PDXDC1: variants seen among roughly 807,000 people sequenced by gnomAD.
The protein encoded by PDXDC1 is pyridoxal-dependent decarboxylase domain-containing protein 1.
A neutral mutation model predicts 100.1 loss-of-function variants in PDXDC1; 42 were observed. That is an observed-to-expected ratio of 0.42 (90% CI 0.33 to 0.54). PDXDC1 has a LOEUF of 0.54. Among genes scored for constraint, PDXDC1 ranks in the 20% least tolerant of loss-of-function variants. The pLI is 0.10. For missense variants in PDXDC1, 636 were observed against 979.2 expected, an observed-to-expected ratio of 0.65 and a Z score of 4.68; for synonymous variants, 260 against 371.7, an observed-to-expected ratio of 0.70 and a Z score of 3.46.
intron 16 of PDXDC1, among the ~76,000 whole-genome samples, chr16:15,054,170 CCTT>C (rs759485688): frequency 3.3e-5 from 5 of 152,310 alleles, no homozygotes; most frequent in Admixed American, 1.3e-4. Context: ...ATGCCCTCAC[CCTT>C]CTTCTCCTTT....
At chr16:14,976,817 G>A (rs1345800254) in intron 1 of PDXDC1, 1 of 152,560 alleles carries the variant, frequency 6.6e-6, no homozygotes, top group African/African-American at 2.4e-5. Flanking sequence ...CAGTGTTGAG[G>A]CTGAGAAATC....
intron 3 of PDXDC1, among the ~76,000 whole-genome samples, chr16:15,001,352 GGTGGCGC>G (rs1973106717): frequency 1.3e-5 from 2 of 152,280 alleles, no homozygotes; most frequent in Non-Finnish European, 2.9e-5. Context: ...AGCCGAGCGT[GGTGGCGC>G]AAGCTTGTAA....
At chr16:14,983,062 G>A (rs1968364763) in intron 1 of PDXDC1, among the ~76,000 whole-genome samples, 1 of 152,174 alleles carries the variant, frequency 6.6e-6, no homozygotes, top group African/African-American at 2.4e-5. Flanking sequence ...TAACTCCAAG[G>A]TCTTCTAATA....
At chr16:15,140,673 G>A (rs981887970), downstream of PDXDC1, among the ~76,000 whole-genome samples, 2 of 152,096 alleles carry the variant, frequency 1.3e-5, no homozygotes, top group South Asian at 4.2e-4. Flanking sequence ...TTACAAACCA[G>A]GTCCTGGAGC....
intron 16 of PDXDC1, among the ~76,000 whole-genome samples, chr16:15,093,212 C>G (rs981373156): frequency 1.3e-5 from 2 of 152,162 alleles, no homozygotes; most frequent in African/African-American, 4.8e-5. Flanking sequence ...GCACGTTGGC[C>G]AGGCTGGTCT....
intron 1 of PDXDC1, among the ~76,000 whole-genome samples, chr16:14,977,597 C>T (rs1054488742): frequency 1.3e-5 from 2 of 152,282 alleles, no homozygotes; most frequent in African/African-American, 4.8e-5. Context: ...ATTTATATTC[C>T]CTGAAGTAAT....
intron 16 of PDXDC1, among the ~76,000 whole-genome samples, chr16:15,080,333 G>A (rs1482680612): frequency 6.6e-6 from 1 of 152,152 alleles, no homozygotes; most frequent in Non-Finnish European, 1.5e-5. Flanking sequence ...TTAAGTAGCT[G>A]TATTGATAAA....
At chr16:15,111,051 C>A (rs1393888037) in intron 16 of PDXDC1, among the ~76,000 whole-genome samples, 1 of 149,178 alleles carries the variant, frequency 6.7e-6, no homozygotes, top group Admixed American at 6.7e-5. Context: ...CCGTTTGAAG[C>A]TGGGAGGCGG....
the PDXDC1 span, among the ~76,000 whole-genome samples, chr16:15,146,212 C>T: frequency 1.3e-5 from 2 of 152,118 alleles, no homozygotes; most frequent in Non-Finnish European, 2.9e-5. Context: ...CACAGAGATG[C>T]CCTGGCCTCA....
chr16:15,087,273 A>C (rs1194791443), intron 16 of PDXDC1, among the ~76,000 whole-genome samples: 2 of 152,222 alleles, frequency 1.3e-5, no homozygotes, highest in Non-Finnish European at 2.9e-5. Context: ...TATGCCAGGC[A>C]TGGTGCCTGA....
chr16:15,112,087 A>T (rs1364104218), intron 16 of PDXDC1, among the ~76,000 whole-genome samples: 1 of 148,012 alleles, frequency 6.8e-6, no homozygotes, highest in East Asian at 1.9e-4. Context: ...CTGAATTCCC[A>T]CCAAATTTCC....
chr16:15,042,288 C>T (rs1203170761), downstream of PDXDC1, among the ~76,000 whole-genome samples: 1 of 150,846 alleles, frequency 6.6e-6, no homozygotes, highest in African/African-American at 2.4e-5. Context: ...CAGGTTCAAG[C>T]GATTTTCCTG....
intron 1 of PDXDC1, among the ~76,000 whole-genome samples, chr16:14,979,154 T>A (rs1364924312): frequency 6.6e-6 from 1 of 152,290 alleles, no homozygotes; most frequent in Admixed American, 6.5e-5. Flanking sequence ...AATTTAAAAT[T>A]CATTTCCTCA....
chr16:15,004,410 A>G (rs1171150450), intron 5 of PDXDC1, 77 bp downstream of exon 5: 12 of 1,554,660 alleles, frequency 7.7e-6, no homozygotes, highest in Non-Finnish European at 5.2e-6. Flanking sequence ...CTGGAGCTGT[A>G]CTACTTGGGT....
chr16:15,092,711 T>G, intron 16 of PDXDC1: 1 of 805,166 alleles, frequency 1.2e-6, no homozygotes, highest in South Asian at 1.6e-5. Flanking sequence ...GTGGAACTAT[T>G]GTTAAGGCCT....
At chr16:15,117,698 G>A (rs1356138502) in intron 16 of PDXDC1, among the ~76,000 whole-genome samples, 1 of 86,902 alleles carries the variant, frequency 1.2e-5, no homozygotes, top group Non-Finnish European at 2.3e-5. Flanking sequence ...TCTTGGGGGT[G>A]AGAAAAGAAA....
chr16:15,124,088 A>C (rs996359559), intron 16 of PDXDC1, among the ~76,000 whole-genome samples: 1 of 152,044 alleles, frequency 6.6e-6, no homozygotes, highest in African/African-American at 2.4e-5. Flanking sequence ...CAAGGAATCT[A>C]TGCATTTCAA....
intron 16 of PDXDC1, among the ~76,000 whole-genome samples, chr16:15,087,486 C>T (rs575053742): frequency 6.6e-6 from 1 of 152,188 alleles, no homozygotes; most frequent in Non-Finnish European, 1.5e-5. Flanking sequence ...TCCCTATATG[C>T]GGAGAAGAAG....
intron 16 of PDXDC1, among the ~76,000 whole-genome samples, chr16:15,097,938 CTTTTTTT>C (rs35852184): frequency 1.1e-5 from 1 of 89,634 alleles, no homozygotes; most frequent in Admixed American, 1.7e-4. Context: ...CAACATTATG[CTTTTTTT>C]TTTTTTTTTT....
Sources: allele counts gnomAD v4.1 joint callset (sites outside exome capture counted in the v4.1 genomes callset), GRCh38; gene constraint gnomAD v4.1.1; transcripts MANE v1.5; gene names NCBI Gene and HGNC (gene_info 2026-07-23, HGNC 2026-07-21).